CPEB2: variants seen among roughly 807,000 people sequenced by gnomAD.
CPEB2 encodes cytoplasmic polyadenylation element binding protein 2, also known as cytoplasmic polyadenylation element-binding protein 2.
In CPEB2, 56 loss-of-function variants were observed where a neutral mutation model predicts 93.6. That is an observed-to-expected ratio of 0.60 (90% CI 0.48 to 0.75). CPEB2 has a LOEUF of 0.75. Among genes scored for constraint, CPEB2 ranks in the 30% least tolerant of loss-of-function variants. The probability of loss-of-function intolerance (pLI) is 0.00; values close to 1 mark genes in which losing one functional copy is unlikely to be tolerated. For synonymous variants in CPEB2, 764 were observed against 586.3 expected, an observed-to-expected ratio of 1.30 and a Z score of -4.38; for missense variants, 1,579 against 1,395.1, an observed-to-expected ratio of 1.13 and a Z score of -2.10.
At chr4:15,052,852 T>G (rs1314624262) in intron 7 of CPEB2, among the ~76,000 whole-genome samples, 2 of 152,074 alleles carry the variant, frequency 1.3e-5, no homozygotes, top group African/African-American at 4.8e-5. Context: ...TAGGTCATAT[T>G]CTACTTGTTT....
chr4:15,007,960 C>T (rs1723041550), intron 2 of CPEB2, among the ~76,000 whole-genome samples: 1 of 152,036 alleles, frequency 6.6e-6, no homozygotes, highest in African/African-American at 2.4e-5. Flanking sequence ...TGTAACTGTT[C>T]TTAGAATTGA....
chr4:15,061,417 G>T (rs939851868), intron 10 of CPEB2, among the ~76,000 whole-genome samples: 1 of 151,996 alleles, frequency 6.6e-6, no homozygotes. Flanking sequence ...GCCAGATGGA[G>T]AAAATATTTG....
At position 15,052,306 on chromosome 4, in the gene CPEB2, T is replaced by G. The variant is rs562426936; in HGVS notation, c.2201-108T>G. 12 of 701,486 alleles carry G rather than the reference T, an allele frequency of 1.7e-5. No homozygotes were observed. In the South Asian group the frequency reaches 3.7e-4, roughly 21 times the overall value. 43.5% of individuals were successfully genotyped at this position (701,486 alleles called of 1,614,324 possible). ...ATTTCTCTTAATTTTTATGTTCACC[T>G]GCATCACCTTCATTTTTAAGTCTTT... On this transcript the variant is annotated intron_variant, in intron 6 of 11. Transcript: ENST00000538197.
intron 3 of CPEB2, 80 bp from the exon 4 acceptor site, chr4:15,017,106 AAG>A: frequency 1.4e-6 from 1 of 739,078 alleles, no homozygotes; most frequent in Non-Finnish European, 2.3e-6. Context: ...TATTTTATGT[AAG>A]AGAATTTAGA....
chr4:15,043,499 T>A (rs1198490586), intron 6 of CPEB2, among the ~76,000 whole-genome samples: 1 of 152,126 alleles, frequency 6.6e-6, no homozygotes, highest in Non-Finnish European at 1.5e-5. Context: ...ATCATTTGTA[T>A]TTATTTTTTA....
chr4:15,012,437 A>G (rs1329168290), intron 3 of CPEB2, among the ~76,000 whole-genome samples: 1 of 152,152 alleles, frequency 6.6e-6, no homozygotes, highest in Admixed American at 6.5e-5. Flanking sequence ...TTCATTCTGT[A>G]TGTTAGTGTT....
Position 15,003,443 on chromosome 4 carries a change from A to T in CPEB2, c.770A>T (p.Asp257Val). The T allele has an allele frequency of 1.5e-6, 2 of 1,360,358 alleles. No homozygotes were observed. Among genetic ancestry groups the T allele is most frequent in the Non-Finnish European group, 1.9e-6 (2 of 1,066,650 alleles). 84.3% of individuals were successfully genotyped at this position (1,360,358 alleles called of 1,614,324 possible). A position where few individuals can be genotyped will look rare whatever the true frequency, so the allele number is the denominator to read the frequency against. ...QDFAPRQRPADLPPLPQLPPS... is the reference protein window; with the variant it reads ...QDFAPRQRPAVLPPLPQLPPS... ...TTCGCCCCGCGGCAGCGTCCGGCAGACCTGCCCCCGCTCCCGCAGCTCCCT... is the reference window on the plus strand; with the variant it reads ...TTCGCCCCGCGGCAGCGTCCGGCAGTCCTGCCCCCGCTCCCGCAGCTCCCT... Residue 257 changes from aspartate (D) to valine (V), a missense_variant, in exon 1 of 12, where the codon GAC (aspartate) becomes GTC (valine). Around this residue, in one of 2 missense-constraint regions of CPEB2, gnomAD observed 1,411 missense variants for 1,056.0 expected, o/e 1.34. Coordinates refer to ENST00000538197, the MANE Select transcript of CPEB2 (RefSeq NM_001177382.2).
At chr4:15,046,560 G>A (rs954854794) in intron 6 of CPEB2, among the ~76,000 whole-genome samples, 2 of 152,076 alleles carry the variant, frequency 1.3e-5, no homozygotes, top group African/African-American at 4.8e-5. Flanking sequence ...CATTCTGGTG[G>A]TGTGTAGTCC....
chr4:15,006,369 A>G (rs1028207378), intron 1 of CPEB2: 1 of 152,070 alleles, frequency 6.6e-6, no homozygotes, highest in African/African-American at 2.4e-5. Context: ...ACACCAAAGT[A>G]TTAAAGTATA....
intron 5 of CPEB2, among the ~76,000 whole-genome samples, chr4:15,034,254 C>T (rs1433454652): frequency 1.3e-5 from 2 of 152,124 alleles, no homozygotes; most frequent in Admixed American, 6.5e-5. Flanking sequence ...GAGAATCCTA[C>T]AGGATGGTTG....
rs1722092649 is a variant in CPEB2, at chr4:15,002,582, T to C, written c.-92T>C. On this transcript the variant is annotated 5_prime_UTR_variant, in exon 1 of 12. Coordinates refer to ENST00000538197, the MANE Select transcript of CPEB2 (RefSeq NM_001177382.2). ...TCCCTCTCTCACTGACTCCCCCTCC[T>C]TCCACCACGGCCGCGCAACCCCAGC... 1 of 1,091,752 alleles carries C rather than the reference T, an allele frequency of 9.2e-7. No individual in the cohort carries two copies. Among genetic ancestry groups the C allele is most frequent in the Non-Finnish European group, 1.3e-6 (1 of 794,994 alleles). The allele number at this position is 1,091,752 out of a possible 1,614,324, so 67.6% of individuals were successfully genotyped here. A position where few individuals can be genotyped will look rare whatever the true frequency, so the allele number is the denominator to read the frequency against.
Position 15,036,473 on chromosome 4 carries a change from A to G in CPEB2, c.2176+3262A>G, listed in dbSNP as rs147552204. On this transcript the variant is annotated intron_variant, in intron 5 of 11. Transcript: ENST00000538197. ...GTACTTCTGAAATTAGAATGAAAGT[A>G]TGTATGTTTATATTTCTAAATGTAT... is the stretch of plus-strand genomic sequence containing the variant. 3.7e-3 allele frequency among the ~76,000 whole-genome samples: 556 copies of G among 152,248 alleles called. 5 individuals carry two copies. Among genetic ancestry groups the G allele is most frequent in the Non-Finnish European group, 3.9e-3 (263 of 68,016 alleles).
intron 11 of CPEB2, among the ~76,000 whole-genome samples, chr4:15,062,809 T>C (rs757692117): frequency 6.6e-6 from 1 of 152,232 alleles, no homozygotes; most frequent in Non-Finnish European, 1.5e-5. Flanking sequence ...ATAATTGACC[T>C]AAACTTAAAA....
chr4:15,027,854 A>G (rs891509040), intron 4 of CPEB2, among the ~76,000 whole-genome samples: 1 of 152,144 alleles, frequency 6.6e-6, no homozygotes, highest in Non-Finnish European at 1.5e-5. Flanking sequence ...TTTAATTTGC[A>G]TGACTAAGAG....
In CPEB2 at chr4:15,069,494, A is replaced by T. The variant is rs1729935944; in HGVS notation, c.*3114A>T. 1 of 152,286 alleles carries T rather than the reference A, an allele frequency of 6.6e-6. No individual in the cohort carries two copies. Among genetic ancestry groups the T allele is most frequent in the African/African-American group, 2.4e-5 (1 of 41,392 alleles). The allele number at this position is 152,286 out of a possible 1,614,324, so 9.4% of individuals were successfully genotyped here. On this transcript the variant is annotated 3_prime_UTR_variant, in exon 12 of 12. Transcript: ENST00000538197. ...TTTAAATCCAGAAATCTTTGTACTG[A>T]TGTAAATGATTGTAGTTATTTTGGA...
chr4:15,007,499 C>T lies in CPEB2; in HGVS notation c.1857C>T (p.Arg619=), dbSNP rs1489386183. The T allele has an allele frequency of 8.1e-6, 13 of 1,613,936 alleles. No individual in the cohort carries two copies. The East Asian group carries it at 1.8e-4, about 22-fold the overall frequency. Residue 619 remains arginine, a synonymous_variant, in exon 2 of 12, where the codon CGC becomes CGT. Coordinates refer to ENST00000538197, the MANE Select transcript of CPEB2 (RefSeq NM_001177382.2). ...TCATAGCACCACCGAAATTTACTCG[C>T]TCAACTCCATCACTGACTCCAAAAT... ...GNVIAPPKFT[R]STPSLTPKSW... is the part of the protein sequence containing the mutation.
At position 15,069,825 on chromosome 4, in the gene CPEB2, A is replaced by G. The variant is rs1191033456; in HGVS notation, c.*3445A>G. ...TGGAGTGTTTGGATTGTAATTATAA[A>G]TGGTTCTTTGATATGCAAATTAATA... On this transcript the variant is annotated 3_prime_UTR_variant, in exon 12 of 12. Transcript: ENST00000538197. The G allele has an allele frequency of 7.2e-5, 11 of 152,310 alleles. No individual in the cohort carries two copies. In the East Asian group the frequency reaches 1.9e-3, roughly 27 times the overall value. 9.4% of individuals were successfully genotyped at this position (152,310 alleles called of 1,614,324 possible).
At position 15,003,618 on chromosome 4, in the gene CPEB2, G is replaced by C; in HGVS notation, c.945G>C (p.Glu315Asp). ...TPVNPAPGSM[E>D]SPNHPLLNSP... is the part of the protein sequence containing the mutation. ...TGAACCCCGCGCCGGGCTCCATGGA[G>C]TCCCCCAACCACCCTCTGCTCAACA... The change falls in exon 1 of 12, where the codon GAG becomes GAC. Residue 315 changes from glutamate to aspartate, a missense_variant. Physicochemically the swap from Glu to Asp is conservative, Grantham distance 45. Around this residue, in one of 2 missense-constraint regions of CPEB2, gnomAD observed 1,411 missense variants for 1,056.0 expected, o/e 1.34. Transcript: ENST00000538197. 1.4e-6 allele frequency: 2 copies of C among 1,480,142 alleles called. No individual in the cohort carries two copies. The highest frequency in any genetic ancestry group is 1.8e-6 in the Non-Finnish European group (2 of 1,119,954). 91.7% of individuals were successfully genotyped at this position (1,480,142 alleles called of 1,614,324 possible).
At chr4:15,012,635 AT>A (rs1215983523) in intron 3 of CPEB2, among the ~76,000 whole-genome samples, 1 of 152,128 alleles carries the variant, frequency 6.6e-6, no homozygotes, top group African/African-American at 2.4e-5. Context: ...GTGTGATAAC[AT>A]TGTGTAACAG....
Sources: allele counts gnomAD v4.1 joint callset (sites outside exome capture counted in the v4.1 genomes callset), GRCh38; gene constraint gnomAD v4.1.1; regional missense constraint gnomAD v4.1.1; transcripts MANE v1.5; gene names NCBI Gene and HGNC (gene_info 2026-07-23, HGNC 2026-07-21).